TANGO6: variants seen among roughly 807,000 people sequenced by gnomAD.
TANGO6 encodes transport and golgi organization 6 homolog.
Under a neutral mutation model 114.2 loss-of-function variants are expected in TANGO6, and 90 were observed. The observed-to-expected ratio is 0.79, with a 90% CI of 0.66 to 0.94. TANGO6 has a LOEUF of 0.94. Among genes scored for constraint, TANGO6 ranks in the 40% least tolerant of loss-of-function variants. The pLI is 0.00. For missense variants in TANGO6, 1,274 were observed against 1,315.3 expected, an observed-to-expected ratio of 0.97 and a Z score of 0.49; for synonymous variants, 477 against 509.8, an observed-to-expected ratio of 0.94 and a Z score of 0.87.
intron 16 of TANGO6, among the ~76,000 whole-genome samples, chr16:69,027,635 T>C (rs373382480): frequency 6.6e-6 from 1 of 152,282 alleles, no homozygotes; most frequent in East Asian, 1.9e-4. Flanking sequence ...GATTTCAGAC[T>C]AGTGTAACTT....
In TANGO6 at chr16:69,048,258, A is replaced by ATT. The variant is rs71383949; in HGVS notation, c.3108+7860_3108+7861dup. ...CCACCAAGTGCAGCTAATTTTTTGT[A>ATT]TTTTTTTTTTTTTTTTTTTTTTTTG... is the stretch of plus-strand genomic sequence containing the variant. On this transcript the variant is annotated intron_variant, in intron 17 of 17. Coordinates refer to ENST00000261778, the MANE Select transcript of TANGO6 (RefSeq NM_024562.2). 1.7e-3 allele frequency among the ~76,000 whole-genome samples: 193 copies of ATT among 111,596 alleles called. 1 individual carries two copies. The highest frequency in any genetic ancestry group is 3.6e-3 in the African/African-American group (92 of 25,572). The allele number at this position is 111,596 out of a possible 152,430, so 73.2% of individuals were successfully genotyped here. A position where few individuals can be genotyped will look rare whatever the true frequency, so the allele number is the denominator to read the frequency against.
intron 17 of TANGO6, among the ~76,000 whole-genome samples, chr16:69,074,279 G>GTA (rs140423804): frequency 0.088 from 13,161 of 150,354 alleles, 624 homozygotes; most frequent in South Asian, 0.18. Context: ...GTGTGTGTGT[G>GTA]TATATATATA....
intron 16 of TANGO6, among the ~76,000 whole-genome samples, chr16:69,031,872 A>G (rs971757902): frequency 1.3e-5 from 2 of 151,924 alleles, no homozygotes; most frequent in Non-Finnish European, 2.9e-5. Context: ...CATGTTGCCT[A>G]GGCTGGTCTC....
intron 11 of TANGO6, among the ~76,000 whole-genome samples, chr16:68,917,255 C>T (rs1178903053): frequency 6.6e-6 from 1 of 152,022 alleles, no homozygotes; most frequent in African/African-American, 2.4e-5. Context: ...TTTTTTGGTG[C>T]TGTTTTTCCA....
intron 17 of TANGO6, among the ~76,000 whole-genome samples, chr16:69,064,159 G>A (rs989332803): frequency 2.0e-5 from 3 of 152,072 alleles, no homozygotes; most frequent in African/African-American, 7.2e-5. Context: ...TTTCTGGTGT[G>A]GGTGGGAGGT....
In TANGO6 at chr16:68,859,927, G is replaced by C. The variant is rs1472553089; in HGVS notation, c.138G>C (p.Leu46Phe). 1 of 1,604,666 alleles carries C rather than the reference G, an allele frequency of 6.2e-7. No homozygotes were observed. The highest frequency in any genetic ancestry group is 1.7e-5 in the Admixed American group (1 of 59,038). The change falls in exon 2 of 18, where the codon TTG (leucine) becomes TTC (phenylalanine). Residue 46 changes from leucine to phenylalanine, a missense_variant. Leu to Phe is a conservative substitution (Grantham distance 22). Around this residue, in one of 5 missense-constraint regions of TANGO6, gnomAD observed 114 missense variants for 104.6 expected, o/e 1.09. Transcript: ENST00000261778. ...TACAGGTCACAAAACATGATGTCTT[G>C]TTGGCTACTTTAAAATCTAACCTGT... ...SSLQVTKHDV[L>F]LATLKSNLSA... is the part of the protein sequence containing the mutation.
chr16:68,843,817 G>A (rs2152147056), intron 1 of TANGO6, 106 bp downstream of exon 1: 1 of 1,054,814 alleles, frequency 9.5e-7, no homozygotes, highest in East Asian at 2.4e-5. Flanking sequence ...GGCCCGCCTC[G>A]GGACCCTCCG....
intron 17 of TANGO6, among the ~76,000 whole-genome samples, chr16:69,081,851 A>G (rs1960469716): frequency 1.4e-5 from 2 of 141,502 alleles, no homozygotes; most frequent in South Asian, 2.2e-4. Flanking sequence ...TTTTTTTGAG[A>G]CAGAGTCTCA....
At chr16:68,993,207 T>A (rs1246105274) in intron 15 of TANGO6, among the ~76,000 whole-genome samples, 1 of 152,238 alleles carries the variant, frequency 6.6e-6, no homozygotes, top group Non-Finnish European at 1.5e-5. Context: ...AAGATGTCAT[T>A]GGCAAGGGGT....
intron 7 of TANGO6, among the ~76,000 whole-genome samples, chr16:68,896,686 T>C (rs1299626640): frequency 6.6e-6 from 1 of 152,094 alleles, no homozygotes. Context: ...ACCGAAGAAA[T>C]TTACTATTAG....
chr16:68,862,894 A>G (rs1962119473), intron 2 of TANGO6, 51 bp from the exon 3 acceptor site: 8 of 1,247,558 alleles, frequency 6.4e-6, no homozygotes, highest in East Asian at 2.5e-5. Context: ...TTTACCTTCT[A>G]TTGTCTGCCT....
At chr16:68,883,450 A>G (rs543505584) in intron 7 of TANGO6, among the ~76,000 whole-genome samples, 2 of 152,304 alleles carry the variant, frequency 1.3e-5, no homozygotes, top group South Asian at 4.1e-4. Context: ...ACTTTGCATG[A>G]TATTATAACA....
At chr16:69,006,526 C>T (rs1964093276) in intron 15 of TANGO6, among the ~76,000 whole-genome samples, 1 of 151,860 alleles carries the variant, frequency 6.6e-6, no homozygotes, top group South Asian at 2.1e-4. Flanking sequence ...AGTGGATCAC[C>T]TGAGGTCAGG....
chr16:69,017,317 C>T (rs1959317267), intron 15 of TANGO6, among the ~76,000 whole-genome samples: 1 of 152,156 alleles, frequency 6.6e-6, no homozygotes, highest in African/African-American at 2.4e-5. Context: ...CCCCAGGGCC[C>T]AGCACAGTGG....
At chr16:68,941,417 A>G (rs1170402326) in intron 14 of TANGO6, among the ~76,000 whole-genome samples, 4 of 151,722 alleles carry the variant, frequency 2.6e-5, no homozygotes, top group African/African-American at 4.8e-5. Flanking sequence ...TTTTTATTAG[A>G]GTCTTGGAAA....
At chr16:68,917,956 G>A (rs997094658) in intron 11 of TANGO6, among the ~76,000 whole-genome samples, 12 of 145,770 alleles carry the variant, frequency 8.2e-5, no homozygotes, top group East Asian at 4.0e-4. Flanking sequence ...ATCTCACTCC[G>A]TTGCCCAGGC....
chr16:68,876,733 A>C (rs1420332627), intron 5 of TANGO6, among the ~76,000 whole-genome samples: 1 of 152,112 alleles, frequency 6.6e-6, no homozygotes, highest in Non-Finnish European at 1.5e-5. Context: ...AGGATAGAGA[A>C]TCTCTTGAAC....
intron 17 of TANGO6, among the ~76,000 whole-genome samples, chr16:69,078,269 T>C (rs945230053): frequency 1.3e-5 from 2 of 152,232 alleles, no homozygotes; most frequent in Admixed American, 6.5e-5. Flanking sequence ...GCTTGTTCTA[T>C]GTAGCCCTTT....
At chr16:68,865,741 C>G (rs35962549) in intron 3 of TANGO6, among the ~76,000 whole-genome samples, 1 of 136,276 alleles carries the variant, frequency 7.3e-6, no homozygotes. Flanking sequence ...AACCCCATCT[C>G]TACTAAAAAT....
Sources: allele counts gnomAD v4.1 joint callset (sites outside exome capture counted in the v4.1 genomes callset), GRCh38; gene constraint gnomAD v4.1.1; regional missense constraint gnomAD v4.1.1; transcripts MANE v1.5; gene names NCBI Gene and HGNC (gene_info 2026-07-23, HGNC 2026-07-21).